The following CAST variants were observed in gnomAD, a reference collection of about 807,000 sequenced individuals.
CAST encodes MIR583 host.
Under a neutral mutation model 119.6 loss-of-function variants are expected in CAST, and 76 were observed. The observed-to-expected ratio is 0.64, with a 90% CI of 0.53 to 0.77. The LOEUF is 0.77. Ranked by LOEUF, CAST falls within the 30% of genes least tolerant of loss-of-function variation. The pLI is 0.00. For missense variants in CAST, 953 were observed against 946.5 expected, an observed-to-expected ratio of 1.01 and a Z score of -0.09; for synonymous variants, 319 against 331.6, an observed-to-expected ratio of 0.96 and a Z score of 0.41.
the CAST span, among the ~76,000 whole-genome samples, chr5:95,971,263 C>A: frequency 1.3e-5 from 2 of 152,028 alleles, no homozygotes; most frequent in African/African-American, 2.4e-5. Context: ...TTTAAAATTA[C>A]CCTATATTTT....
At chr5:96,684,869 C>T (rs759158316) in intron 2 of CAST, among the ~76,000 whole-genome samples, 19 of 152,074 alleles carry the variant, frequency 1.2e-4, no homozygotes, top group Non-Finnish European at 1.9e-4. Context: ...CATGCCAGAC[C>T]GTATGCATCA....
chr5:96,014,593 C>G, the CAST span, among the ~76,000 whole-genome samples: 1 of 152,118 alleles, frequency 6.6e-6, no homozygotes. Context: ...TGCTATGGCA[C>G]TATGATGGCT....
chr5:96,559,468 C>CA (rs1429317056), intron 1 of CAST, among the ~76,000 whole-genome samples: 1 of 152,192 alleles, frequency 6.6e-6, no homozygotes, highest in Non-Finnish European at 1.5e-5. Context: ...CCCATCGTCT[C>CA]AGCCCAAAAT....
the CAST span, among the ~76,000 whole-genome samples, chr5:96,355,228 T>G: frequency 6.7e-6 from 1 of 149,398 alleles, no homozygotes; most frequent in Non-Finnish European, 1.5e-5. Flanking sequence ...CCCCTCCCTG[T>G]GTCCATGTGT....
intron 1 of CAST, among the ~76,000 whole-genome samples, chr5:96,570,009 C>T (rs1188483555): frequency 1.3e-5 from 2 of 152,176 alleles, no homozygotes; most frequent in Non-Finnish European, 2.9e-5. Flanking sequence ...ATCTGACTGA[C>T]ATCATAGTGA....
chr5:96,393,856 T>C, the CAST span, among the ~76,000 whole-genome samples: 33 of 152,120 alleles, frequency 2.2e-4, no homozygotes, highest in Admixed American at 5.9e-4. Flanking sequence ...CTGTAAGAAG[T>C]GGTCAGGGGA....
chr5:96,508,433 AG>A, the CAST span, among the ~76,000 whole-genome samples: 1 of 152,302 alleles, frequency 6.6e-6, no homozygotes, highest in African/African-American at 2.4e-5. Flanking sequence ...CGATTATAAT[AG>A]GAGTAGATTG....
At chr5:96,205,451 T>C in the CAST span, among the ~76,000 whole-genome samples, 1 of 151,972 alleles carries the variant, frequency 6.6e-6, no homozygotes, top group Non-Finnish European at 1.5e-5. Flanking sequence ...AGGCAGTTTT[T>C]TGATCCTCAC....
the CAST span, among the ~76,000 whole-genome samples, chr5:96,268,165 G>T: frequency 2.0e-4 from 30 of 152,122 alleles, no homozygotes; most frequent in Non-Finnish European, 4.0e-4. Flanking sequence ...TAAAAAGGAA[G>T]AAAGGAAGAG....
the CAST span, among the ~76,000 whole-genome samples, chr5:95,962,344 T>C: frequency 1.7e-3 from 237 of 143,274 alleles, no homozygotes; most frequent in African/African-American, 5.4e-3. Context: ...CTGCGGAAGC[T>C]GTGGAACTTG....
At chr5:96,163,453 A>G in the CAST span, among the ~76,000 whole-genome samples, 1 of 152,328 alleles carries the variant, frequency 6.6e-6, no homozygotes, top group African/African-American at 2.4e-5. Context: ...TATTGCAGTT[A>G]ATACCATAAT....
chr5:96,340,251 C>T, the CAST span, among the ~76,000 whole-genome samples: 1 of 152,136 alleles, frequency 6.6e-6, no homozygotes, highest in African/African-American at 2.4e-5. Context: ...GGGAGTCCAC[C>T]TTTATCTCTA....
At chr5:96,136,013 A>G in the CAST span, among the ~76,000 whole-genome samples, 1 of 151,720 alleles carries the variant, frequency 6.6e-6, no homozygotes, top group Admixed American at 6.6e-5. Context: ...GTGAGCCGAG[A>G]TCACACCACT....
chr5:96,481,829 G>A, the CAST span, among the ~76,000 whole-genome samples: 107,460 of 152,102 alleles, frequency 0.71, 38,444 homozygotes, highest in African/African-American at 0.81. Flanking sequence ...GTTTAAAAAA[G>A]TTGCTTACTC....
the CAST span, among the ~76,000 whole-genome samples, chr5:96,304,907 T>G: frequency 6.6e-5 from 10 of 152,342 alleles, no homozygotes; most frequent in African/African-American, 2.2e-4. Flanking sequence ...TTGTTCTTTT[T>G]GCTTCGGCTT....
the CAST span, among the ~76,000 whole-genome samples, chr5:96,377,135 TAAAAC>T: frequency 2.0e-5 from 3 of 152,018 alleles, no homozygotes; most frequent in Admixed American, 1.3e-4. Flanking sequence ...AAGAGCCAAA[TAAAAC>T]AGTCAAACTT....
At chr5:96,440,458 A>G in the CAST span, among the ~76,000 whole-genome samples, 2 of 152,110 alleles carry the variant, frequency 1.3e-5, no homozygotes, top group African/African-American at 4.8e-5. Flanking sequence ...GGGTGCCCCA[A>G]CTCAAGCAAA....
At chr5:96,662,219 C>T (rs896060616), upstream of CAST, 6 of 544,752 alleles carry the variant, frequency 1.1e-5, no homozygotes, top group South Asian at 1.4e-4. Flanking sequence ...CGGGTCCCTC[C>T]GCGGGCAGGA....
chr5:96,019,411 C>G, the CAST span, among the ~76,000 whole-genome samples: 77 of 152,292 alleles, frequency 5.1e-4, 1 homozygote, highest in African/African-American at 1.8e-3. Flanking sequence ...ATCCCTTTAT[C>G]CTCCCTCTGT....
Sources: gnomAD v4.1 joint callset for allele counts (sites outside exome capture counted in the v4.1 genomes callset) on GRCh38, gnomAD v4.1.1 for gene constraint, MANE v1.5 for transcripts, NCBI Gene and HGNC (gene_info 2026-07-23, HGNC 2026-07-21) for gene names.